The following COL25A1 variants were observed in gnomAD, a reference collection of about 807,000 sequenced individuals.
COL25A1 encodes the protein collagen type XXV alpha 1 chain, also known as collagen alpha-1(XXV) chain.
COL25A1 carries 103 observed loss-of-function variants against 128.4 expected under a neutral mutation model. The ratio of observed to expected loss-of-function variants is 0.80; its 90% CI spans 0.68 to 0.94. The LOEUF (loss-of-function observed/expected upper bound fraction) is 0.94. Among genes scored for constraint, COL25A1 ranks in the 40% least tolerant of loss-of-function variants. COL25A1 has a pLI of 0.00. For missense variants in COL25A1, 745 were observed against 840.0 expected (o/e 0.89, Z 1.40); for synonymous variants, 279 against 277.2 (o/e 1.01, Z -0.06).
In COL25A1 at chr4:109,053,965, T is replaced by C. The variant is rs542807458; in HGVS notation, c.368-3786A>G. Among the ~76,000 whole-genome samples the C allele has an allele frequency of 7.9e-5, 12 of 152,192 alleles. No individual in the cohort carries two copies. The South Asian group carries it at 1.0e-3, about 13-fold the overall frequency. The stretch of plus-strand genomic sequence containing the variant: ...GTGCGTTGTCATAAATACCCGAGAA[T>C]AGGGAGAAGGTGGCTATCTCATTAC... On this transcript the variant is annotated intron_variant, in intron 3 of 37. Coordinates refer to ENST00000399132, the MANE Select transcript of COL25A1 (RefSeq NM_198721.4).
At position 108,889,241 on chromosome 4, in the gene COL25A1, A is replaced by T; in HGVS notation, c.955T>A (p.Ser319Thr). 6.2e-7 allele frequency: 1 copy of T among 1,613,716 alleles called. No homozygotes were observed. The highest frequency in any genetic ancestry group is 1.1e-5 in the South Asian group (1 of 91,062). Reference sequence around the variant, plus strand: ...ATTACCTTTTGCCCTGGACGACCAGATTCCCCAGGTTCTCCCTGGCCAAAG... The same window carrying T: ...ATTACCTTTTGCCCTGGACGACCAGTTTCCCCAGGTTCTCCCTGGCCAAAG... ...AAGIKGEPGESGRPGQKGEPG... is the reference protein window; with the variant it reads ...AAGIKGEPGETGRPGQKGEPG... The change falls in exon 18 of 38, where the codon TCT becomes ACT. Residue 319 changes from serine (S) to threonine (T), a missense_variant. Coordinates refer to ENST00000399132, the MANE Select transcript of COL25A1 (RefSeq NM_198721.4).
intron 3 of COL25A1, among the ~76,000 whole-genome samples, chr4:109,267,096 T>C (rs757478929): frequency 1.1e-4 from 17 of 152,218 alleles, no homozygotes; most frequent in Non-Finnish European, 1.3e-4. Context: ...CATGCAGCCC[T>C]TTCTCTGGTA....
At chr4:108,934,367 G>A (rs1437784490) in intron 11 of COL25A1, among the ~76,000 whole-genome samples, 2 of 151,944 alleles carry the variant, frequency 1.3e-5, no homozygotes, top group African/African-American at 2.4e-5. Context: ...GATAGCATTA[G>A]GAAAAATACC....
intron 5 of COL25A1, among the ~76,000 whole-genome samples, chr4:109,033,877 C>T (rs1306275856): frequency 3.3e-5 from 5 of 152,006 alleles, no homozygotes; most frequent in African/African-American, 1.2e-4. Flanking sequence ...ATAATAAAAT[C>T]AAAGTTAATA....
chr4:108,896,003 T>G (rs1163269040), intron 16 of COL25A1, among the ~76,000 whole-genome samples: 1 of 138,408 alleles, frequency 7.2e-6, no homozygotes, highest in African/African-American at 2.6e-5. Context: ...TGGAGTGCAG[T>G]GGTGCGATCT....
chr4:109,301,756 C>T lies in COL25A1; in HGVS notation c.264G>A (p.Met88Ile). ...LPDTLDHLKT[M>I]VQEKVERLLA... ...GAAGTCGCTCCACTTTCTCTTGCAC[C>T]ATAGTCTTGAGGTGATCCAGGGTAT... is the stretch of plus-strand genomic sequence containing the variant. The change falls in exon 2 of 38, where the codon ATG (methionine) becomes ATA (isoleucine). Residue 88 changes from methionine to isoleucine, a missense_variant. Met to Ile is a conservative substitution (Grantham distance 10). Transcript: ENST00000399132. The T allele has an allele frequency of 6.2e-7, 1 of 1,614,210 alleles. No individual in the cohort carries two copies. The highest frequency in any genetic ancestry group is 2.2e-5 in the East Asian group (1 of 44,890).
At chr4:109,171,525 A>G (rs1773586115) in intron 3 of COL25A1, among the ~76,000 whole-genome samples, 1 of 152,210 alleles carries the variant, frequency 6.6e-6, no homozygotes, top group African/African-American at 2.4e-5. Context: ...ACAGCAACTC[A>G]AGCTAAGACA....
At chr4:109,231,097 T>C (rs1462527668) in intron 3 of COL25A1, among the ~76,000 whole-genome samples, 1 of 151,700 alleles carries the variant, frequency 6.6e-6, no homozygotes, top group East Asian at 1.9e-4. Context: ...CGAGATAGAG[T>C]GCCACTGCAC....
At chr4:109,055,617 G>A (rs1277802303) in intron 3 of COL25A1, among the ~76,000 whole-genome samples, 2 of 152,030 alleles carry the variant, frequency 1.3e-5, no homozygotes, top group Non-Finnish European at 1.5e-5. Flanking sequence ...TGTATTTTTC[G>A]AACATCGCTA....
intron 5 of COL25A1, among the ~76,000 whole-genome samples, chr4:109,014,024 T>C (rs1037357898): frequency 1.3e-5 from 2 of 152,206 alleles, no homozygotes; most frequent in Non-Finnish European, 2.9e-5. Flanking sequence ...TGTGAACATG[T>C]GGCTGGGTGT....
rs184665059 is a variant in COL25A1 at position 108,879,360 on chromosome 4, T to G, written c.1020+4818A>C. ...TAAAATGATTTCATATGTTTTTTACTGTATTACACCTCCCTTGCTCCATGT... is the reference window on the plus strand; with the variant it reads ...TAAAATGATTTCATATGTTTTTTACGGTATTACACCTCCCTTGCTCCATGT... On this transcript the variant is annotated intron_variant, in intron 19 of 37. Coordinates refer to ENST00000399132, the MANE Select transcript of COL25A1 (RefSeq NM_198721.4). 1.3e-4 allele frequency among the ~76,000 whole-genome samples: 19 copies of G among 150,046 alleles called. 1 individual carries two copies. The highest frequency in any genetic ancestry group is 1.0e-3 in the Admixed American group (15 of 14,830).
intron 11 of COL25A1, among the ~76,000 whole-genome samples, chr4:108,929,161 T>C (rs767178139): frequency 1.3e-5 from 2 of 152,166 alleles, no homozygotes; most frequent in Admixed American, 6.5e-5. Flanking sequence ...TCTCGCTCTG[T>C]CACCCAGGCT....
Position 108,959,111 on chromosome 4 carries a change from A to C in COL25A1, c.492+15256T>G, listed in dbSNP as rs78836119. On this transcript the variant is annotated intron_variant, in intron 8 of 37. Coordinates refer to ENST00000399132, the MANE Select transcript of COL25A1 (RefSeq NM_198721.4). ...GTATTGCAAACTCCAATGCCAACAG[A>C]AACTGCATGCATATTTAAGTAAATG... is the stretch of plus-strand genomic sequence containing the variant. 2.6e-3 allele frequency among the ~76,000 whole-genome samples: 396 copies of C among 152,184 alleles called. 2 individuals are homozygous for C. Among genetic ancestry groups the C allele is most frequent in the African/African-American group, 9.2e-3 (384 of 41,550 alleles).
chr4:109,013,693 C>T (rs1756915741), intron 5 of COL25A1, among the ~76,000 whole-genome samples: 1 of 151,868 alleles, frequency 6.6e-6, no homozygotes, highest in Non-Finnish European at 1.5e-5. Context: ...ACCTTAAGAG[C>T]TGTTAACACT....
intron 3 of COL25A1, among the ~76,000 whole-genome samples, chr4:109,178,176 T>C (rs984613466): frequency 6.6e-5 from 10 of 152,296 alleles, no homozygotes; most frequent in African/African-American, 2.4e-4. Context: ...TGCCAATCAT[T>C]CAAATAAGGT....
chr4:109,152,578 T>A (rs1166599386), intron 3 of COL25A1, among the ~76,000 whole-genome samples: 1 of 152,088 alleles, frequency 6.6e-6, no homozygotes, highest in Non-Finnish European at 1.5e-5. Flanking sequence ...ACAAAACAGA[T>A]AGCATTATTC....
chr4:109,074,671 T>C lies in COL25A1; in HGVS notation c.368-24492A>G, dbSNP rs537523511. On this transcript the variant is annotated intron_variant, in intron 3 of 37. Transcript: ENST00000399132. ...TACTATCCGAAGGGAGTTCTGTGTA[T>C]TATTCTCATTAATTATGAGAATATG... 1.8e-3 allele frequency among the ~76,000 whole-genome samples: 272 copies of C among 152,314 alleles called. 2 individuals carry two copies. The highest frequency in any genetic ancestry group is 3.8e-3 in the Admixed American group (58 of 15,286).
intron 3 of COL25A1, among the ~76,000 whole-genome samples, chr4:109,179,263 T>C (rs933214739): frequency 6.6e-6 from 1 of 152,190 alleles, no homozygotes; most frequent in Non-Finnish European, 1.5e-5. Flanking sequence ...AGTCCCAGCC[T>C]TCCTTGCAAC....
intron 13 of COL25A1, among the ~76,000 whole-genome samples, chr4:108,915,631 T>C (rs1013279402): frequency 6.6e-6 from 1 of 152,152 alleles, no homozygotes; most frequent in Admixed American, 6.6e-5. Flanking sequence ...GATCTCACTA[T>C]GGTGCCCAAG....
Sources: gnomAD v4.1 joint callset for allele counts (sites outside exome capture counted in the v4.1 genomes callset) on GRCh38, gnomAD v4.1.1 for gene constraint, MANE v1.5 for transcripts, NCBI Gene and HGNC (gene_info 2026-07-23, HGNC 2026-07-21) for gene names.